Variants in EYS observed in about 807,000 individuals in gnomAD.
The protein encoded by EYS is EGF-like photoreceptor maintenance factor.
In EYS, 250 loss-of-function variants were observed where a neutral mutation model predicts 282.1. The observed-to-expected ratio is 0.89, with a 90% CI of 0.80 to 0.98. The LOEUF (loss-of-function observed/expected upper bound fraction) is 0.98, where lower values mean the gene tolerates loss of function less well. Among genes scored for constraint, EYS ranks in the 50% least tolerant of loss-of-function variants. EYS has a pLI of 0.00. For synonymous variants in EYS, 1,355 were observed against 1,282.9 expected (o/e 1.06, Z -1.20); for missense variants, 4,016 against 3,709.0 (o/e 1.08, Z -2.15).
At chr6:65,601,199 C>A (rs892147908) in intron 2 of EYS, among the ~76,000 whole-genome samples, 3 of 151,798 alleles carry the variant, frequency 2.0e-5, no homozygotes, top group African/African-American at 7.3e-5. Context: ...AGCCTAAATA[C>A]ATTAAGATTA....
rs2149831853 is a variant in EYS, at chr6:64,591,097, T to C, written c.4770A>G (p.Ser1590=). Residue 1590 remains serine (S), a synonymous_variant, in exon 26 of 43, where the codon TCA becomes TCG. Transcript: ENST00000503581. ...SHFYETFWMN[S]AILASWYALM... ...GTGCATACCAGCTGGCTAATATCGCTGAGTTCATCCAGAATGTCTCATAAA... is the reference window on the plus strand; with the variant it reads ...GTGCATACCAGCTGGCTAATATCGCCGAGTTCATCCAGAATGTCTCATAAA... The C allele has an allele frequency of 6.4e-7, 1 of 1,551,334 alleles. No individual in the cohort carries two copies. Among genetic ancestry groups the C allele is most frequent in the East Asian group, 2.4e-5 (1 of 40,906 alleles).
At position 64,717,615 on chromosome 6, in the gene EYS, G is replaced by GT. The variant is rs369815040; in HGVS notation, c.3444-91371dup. ...CTAGTTCCTAACAGGCCACGAACTGGTACCTAAGAGGCCATGAACTGGCAC... is the reference window on the plus strand; with the variant it reads ...CTAGTTCCTAACAGGCCACGAACTGGTTACCTAAGAGGCCATGAACTGGCAC... On this transcript the variant is annotated intron_variant, in intron 22 of 42. Transcript: ENST00000503581. Among the ~76,000 whole-genome samples the GT allele has an allele frequency of 4.0e-3, 606 of 152,264 alleles. 4 individuals carry two copies. Among genetic ancestry groups the GT allele is most frequent in the African/African-American group, 0.014 (581 of 41,552 alleles).
intron 31 of EYS, among the ~76,000 whole-genome samples, chr6:64,149,302 C>T (rs980800231): frequency 6.6e-6 from 1 of 152,140 alleles, no homozygotes; most frequent in Admixed American, 6.6e-5. Flanking sequence ...GGCAGAAATT[C>T]TTTGTATACG....
intron 31 of EYS, among the ~76,000 whole-genome samples, chr6:64,180,010 A>G (rs1764744154): frequency 6.6e-6 from 1 of 152,142 alleles, no homozygotes; most frequent in Non-Finnish European, 1.5e-5. Context: ...GGTTTGAGAT[A>G]AAACAAAATG....
intron 15 of EYS, among the ~76,000 whole-genome samples, chr6:64,918,552 G>A (rs912751392): frequency 1.3e-5 from 2 of 152,092 alleles, no homozygotes; most frequent in Non-Finnish European, 2.9e-5. Context: ...AGATCATTTA[G>A]GAAGCTATTG....
chr6:64,141,697 A>G (rs1333505738), intron 31 of EYS, among the ~76,000 whole-genome samples: 1 of 152,184 alleles, frequency 6.6e-6, no homozygotes, highest in African/African-American at 2.4e-5. Context: ...ATTGGTTTTA[A>G]TCAGTTAGCA....
At chr6:64,390,318 G>C (rs1315582507) in intron 28 of EYS, among the ~76,000 whole-genome samples, 1 of 152,178 alleles carries the variant, frequency 6.6e-6, no homozygotes, top group Non-Finnish European at 1.5e-5. Flanking sequence ...ACCTCTGGGG[G>C]CAGGGCACGG....
chr6:64,296,476 A>C lies in EYS; in HGVS notation c.6191+10494T>G, dbSNP rs1237045446. Among the ~76,000 whole-genome samples the C allele has an allele frequency of 4.6e-5, 7 of 150,710 alleles. No individual in the cohort carries two copies. In the East Asian group the frequency reaches 6.0e-4, roughly 13 times the overall value. ...TCATTTTATAAGAATTAATAAAGGA[A>C]ATAAGGCAGAGTAGAGAGCACTAGT... On this transcript the variant is annotated intron_variant, in intron 30 of 42. Transcript: ENST00000503581.
intron 36 of EYS, among the ~76,000 whole-genome samples, chr6:63,844,617 C>CT (rs982041274): frequency 4.0e-4 from 59 of 146,246 alleles, no homozygotes; most frequent in East Asian, 3.2e-3. Flanking sequence ...TAATGTTGAG[C>CT]TTTTTTTTTT....
chr6:63,918,037 C>T (rs750716116), intron 35 of EYS, among the ~76,000 whole-genome samples: 2 of 152,188 alleles, frequency 1.3e-5, no homozygotes, highest in African/African-American at 4.8e-5. Flanking sequence ...ATTCTCTGTA[C>T]TAGAGTGTCT....
intron 15 of EYS, among the ~76,000 whole-genome samples, chr6:64,919,477 G>T (rs1768270868): frequency 7.1e-6 from 1 of 141,834 alleles, no homozygotes; most frequent in African/African-American, 2.6e-5. Context: ...ATGAACTCAA[G>T]AATTTCTGTT....
At chr6:64,208,480 T>C (rs1765672377) in intron 31 of EYS, among the ~76,000 whole-genome samples, 1 of 152,174 alleles carries the variant, frequency 6.6e-6, no homozygotes. Flanking sequence ...TTTCTGGCTA[T>C]TCTCTGGGAG....
intron 26 of EYS, among the ~76,000 whole-genome samples, chr6:64,584,823 C>T (rs1480769505): frequency 6.6e-6 from 1 of 151,906 alleles, no homozygotes; most frequent in Non-Finnish European, 1.5e-5. Flanking sequence ...CATTTTTTGG[C>T]TTAGAAAGGT....
At chr6:65,097,237 T>C (rs1374023435) in intron 12 of EYS, among the ~76,000 whole-genome samples, 1 of 151,060 alleles carries the variant, frequency 6.6e-6, no homozygotes, top group Non-Finnish European at 1.5e-5. Context: ...AACAGGTATA[T>C]GAAAAAATGC....
intron 12 of EYS, among the ~76,000 whole-genome samples, chr6:65,279,923 A>G (rs1164072758): frequency 6.6e-6 from 1 of 152,138 alleles, no homozygotes; most frequent in African/African-American, 2.4e-5. Context: ...CAGATTATTT[A>G]ATTTTCCTAG....
chr6:65,369,579 A>T (rs1582198244), intron 8 of EYS, among the ~76,000 whole-genome samples: 1 of 150,984 alleles, frequency 6.6e-6, no homozygotes, highest in East Asian at 1.9e-4. Context: ...TATGCATTTG[A>T]TCTTTCCTTT....
intron 31 of EYS, among the ~76,000 whole-genome samples, chr6:64,217,221 A>G (rs2150331045): frequency 6.6e-6 from 1 of 152,292 alleles, no homozygotes; most frequent in East Asian, 1.9e-4. Flanking sequence ...AAGTCAGTGT[A>G]AATATTTGAA....
intron 12 of EYS, among the ~76,000 whole-genome samples, chr6:65,170,205 G>C (rs1765071381): frequency 6.6e-6 from 1 of 150,972 alleles, no homozygotes; most frequent in Admixed American, 6.6e-5. Flanking sequence ...TACAAATACA[G>C]ATGCACACAC....
chr6:64,389,009 A>C (rs1341994859), intron 28 of EYS, among the ~76,000 whole-genome samples, 169 bp from the exon 29 acceptor site: 3 of 151,928 alleles, frequency 2.0e-5, no homozygotes, highest in African/African-American at 4.9e-5. Context: ...TTAATGCTTT[A>C]AGTACATAAA....
Sources: gnomAD v4.1 joint callset for allele counts (sites outside exome capture counted in the v4.1 genomes callset) on GRCh38, gnomAD v4.1.1 for gene constraint, MANE v1.5 for transcripts, NCBI Gene and HGNC (gene_info 2026-07-23, HGNC 2026-07-21) for gene names.